The following ATRNL1 variants were observed in gnomAD, a reference collection of about 807,000 sequenced individuals.
The protein encoded by ATRNL1 is attractin-like protein 1.
A neutral mutation model predicts 182.7 loss-of-function variants in ATRNL1; 95 were observed. The ratio of observed to expected loss-of-function variants is 0.52; its 90% CI spans 0.44 to 0.62. The LOEUF is 0.62. Among genes scored for constraint, ATRNL1 ranks in the 20% least tolerant of loss-of-function variants. ATRNL1 has a pLI of 0.00. For synonymous variants in ATRNL1, 576 were observed against 568.3 expected, an observed-to-expected ratio of 1.01 and a Z score of -0.19; for missense variants, 1,471 against 1,679.5, an observed-to-expected ratio of 0.88 and a Z score of 2.17.
intron 17 of ATRNL1, among the ~76,000 whole-genome samples, chr10:115,311,549 AAAATATTC>A (rs879989337): frequency 0.023 from 3,461 of 152,264 alleles, 47 homozygotes; most frequent in South Asian, 0.036. Context: ...TCTATCTTGG[AAAATATTC>A]CATGTGCTGA....
intron 15 of ATRNL1, among the ~76,000 whole-genome samples, chr10:115,292,165 A>G (rs114670255): frequency 6.6e-6 from 1 of 152,026 alleles, no homozygotes; most frequent in African/African-American, 2.4e-5. Flanking sequence ...AGTAGTCTCT[A>G]ATGACCCTTT....
chr10:115,194,404 A>G (rs550888767), intron 8 of ATRNL1, among the ~76,000 whole-genome samples: 1 of 152,030 alleles, frequency 6.6e-6, no homozygotes, highest in African/African-American at 2.4e-5. Context: ...CAATTGTTCT[A>G]TCATCTTGCT....
intron 24 of ATRNL1, among the ~76,000 whole-genome samples, chr10:115,501,690 T>A (rs964711319): frequency 3.3e-5 from 5 of 152,318 alleles, no homozygotes; most frequent in South Asian, 2.1e-4. Context: ...TATACTAAAT[T>A]ATTAGAAGCT....
intron 26 of ATRNL1, among the ~76,000 whole-genome samples, chr10:115,564,618 C>T (rs1242240498): frequency 2.0e-5 from 3 of 151,800 alleles, no homozygotes; most frequent in East Asian, 3.9e-4. Flanking sequence ...ATACCTTGTA[C>T]ATGTTTTCAT....
intron 24 of ATRNL1, among the ~76,000 whole-genome samples, chr10:115,496,833 T>C (rs540866872): frequency 2.0e-5 from 3 of 152,156 alleles, no homozygotes; most frequent in African/African-American, 4.8e-5. Flanking sequence ...ACATTTTTTC[T>C]TTCATTTCTA....
intron 10 of ATRNL1, among the ~76,000 whole-genome samples, chr10:115,250,151 G>A (rs1169084899): frequency 6.6e-6 from 1 of 152,178 alleles, no homozygotes; most frequent in Non-Finnish European, 1.5e-5. Context: ...CTTGTGCCCT[G>A]TGTTTCTGCT....
chr10:115,094,132 C>G (rs1301507628), intron 1 of ATRNL1, 89 bp downstream of exon 1: 8 of 1,218,330 alleles, frequency 6.6e-6, no homozygotes, highest in Non-Finnish European at 8.4e-6. Flanking sequence ...CCCCCGCCCC[C>G]GTCGCTGCCT....
At chr10:115,886,047 G>A (rs566622437) in intron 28 of ATRNL1, among the ~76,000 whole-genome samples, 1 of 152,282 alleles carries the variant, frequency 6.6e-6, no homozygotes, top group South Asian at 2.1e-4. Context: ...CACTTTCATT[G>A]TTGTGAGCTG....
At chr10:115,721,707 C>A (rs534482696) in intron 26 of ATRNL1, among the ~76,000 whole-genome samples, 1 of 152,274 alleles carries the variant, frequency 6.6e-6, no homozygotes, top group South Asian at 2.1e-4. Context: ...CTGGGAGATA[C>A]AATTCAAGTT....
At chr10:115,445,605 C>A (rs1039934462) in intron 21 of ATRNL1, among the ~76,000 whole-genome samples, 2 of 145,158 alleles carry the variant, frequency 1.4e-5, no homozygotes, top group Admixed American at 1.4e-4. Context: ...TTAACAATAA[C>A]TTCATAGAGA....
chr10:115,754,583 A>G (rs1430841419), intron 27 of ATRNL1, among the ~76,000 whole-genome samples: 1 of 152,068 alleles, frequency 6.6e-6, no homozygotes, highest in African/African-American at 2.4e-5. Context: ...CTTTTAGTGT[A>G]GTTTGAAGTC....
In ATRNL1 at chr10:115,563,081, G is replaced by A. The variant is rs191428206; in HGVS notation, c.3795+13545G>A. Among the ~76,000 whole-genome samples the A allele has an allele frequency of 6.6e-5, 10 of 152,244 alleles. No homozygotes were observed. The East Asian group carries it at 1.9e-3, about 29-fold the overall frequency. ...TGTTGCTATGAAAGAACATACCTGA[G>A]GCTGGGTGATTTATAAAGGAAGAAG... On this transcript the variant is annotated intron_variant, in intron 26 of 28. Transcript: ENST00000355044.
intron 26 of ATRNL1, among the ~76,000 whole-genome samples, chr10:115,701,802 A>G (rs370234179): frequency 1.3e-5 from 2 of 152,010 alleles, no homozygotes; most frequent in East Asian, 3.9e-4. Flanking sequence ...CTGAATCAGT[A>G]GTAAAAACCT....
chr10:115,279,071 G>A (rs1852235228), intron 13 of ATRNL1, among the ~76,000 whole-genome samples: 1 of 151,762 alleles, frequency 6.6e-6, no homozygotes, highest in African/African-American at 2.4e-5. Context: ...GTGTGGTGGT[G>A]GGCGCCTGTA....
intron 9 of ATRNL1, among the ~76,000 whole-genome samples, chr10:115,216,529 G>A (rs1471019862): frequency 4.6e-5 from 7 of 151,814 alleles, no homozygotes; most frequent in African/African-American, 1.7e-4. Flanking sequence ...ATTTCCTATT[G>A]TTTCCTGTTT....
chr10:115,876,743 T>G (rs1951709311), intron 28 of ATRNL1, among the ~76,000 whole-genome samples: 1 of 152,222 alleles, frequency 6.6e-6, no homozygotes, highest in Admixed American at 6.5e-5. Flanking sequence ...GAAAAATAAT[T>G]TTAAAGCATT....
intron 28 of ATRNL1, among the ~76,000 whole-genome samples, chr10:115,850,530 T>C (rs1481376359): frequency 6.6e-6 from 1 of 151,426 alleles, no homozygotes; most frequent in Non-Finnish European, 1.5e-5. Flanking sequence ...GGGAACCATA[T>C]TGGCTCTTGG....
chr10:115,569,939 T>C (rs1397904784), intron 26 of ATRNL1, among the ~76,000 whole-genome samples: 1 of 152,140 alleles, frequency 6.6e-6, no homozygotes, highest in African/African-American at 2.4e-5. Flanking sequence ...CGAGGGGCTA[T>C]TTCCTGATTC....
At chr10:115,479,596 C>A (rs898557620) in intron 24 of ATRNL1, among the ~76,000 whole-genome samples, 3 of 151,320 alleles carry the variant, frequency 2.0e-5, no homozygotes, top group Non-Finnish European at 4.4e-5. Flanking sequence ...ATTCTAGTGA[C>A]TGTGAGACAT....
Sources: allele counts gnomAD v4.1 joint callset (sites outside exome capture counted in the v4.1 genomes callset), GRCh38; gene constraint gnomAD v4.1.1; transcripts MANE v1.5; gene names NCBI Gene and HGNC (gene_info 2026-07-23, HGNC 2026-07-21).